CFAP58: variants seen among roughly 807,000 people sequenced by gnomAD.
CFAP58 encodes the protein cilia and flagella associated protein 58, also known as cilia- and flagella-associated protein 58.
Under a neutral mutation model 119.5 loss-of-function variants are expected in CFAP58, and 88 were observed. The ratio of observed to expected loss-of-function variants is 0.74; its 90% CI spans 0.62 to 0.88. CFAP58 has a LOEUF of 0.88. Ranked by LOEUF, CFAP58 falls within the 40% of genes least tolerant of loss-of-function variation. The pLI, the probability that CFAP58 is intolerant of heterozygous loss-of-function variation, is 0.00. For synonymous variants in CFAP58, 365 were observed against 366.3 expected (o/e 1.00, Z 0.04); for missense variants, 990 against 1,021.2 (o/e 0.97, Z 0.42).
intron 7 of CFAP58, among the ~76,000 whole-genome samples, chr10:104,374,523 G>A (rs1207063295): frequency 6.7e-6 from 1 of 148,840 alleles, no homozygotes; most frequent in South Asian, 2.1e-4. Context: ...ATTGGCAAAG[G>A]GCAAATTGGG....
At chr10:104,378,275 C>T (rs1338452476) in intron 8 of CFAP58, among the ~76,000 whole-genome samples, 1 of 152,182 alleles carries the variant, frequency 6.6e-6, no homozygotes. Flanking sequence ...CAGGTAGCAA[C>T]ATGAATATAT....
chr10:104,445,918 T>C (rs1368829960), intron 15 of CFAP58, among the ~76,000 whole-genome samples: 1 of 152,242 alleles, frequency 6.6e-6, no homozygotes, highest in East Asian at 1.9e-4. Context: ...AGATGGTCTT[T>C]TCAGTTTAAG....
intron 15 of CFAP58, among the ~76,000 whole-genome samples, chr10:104,434,981 TATTATAA>T (rs2012909463): frequency 6.6e-6 from 1 of 152,224 alleles, no homozygotes. Flanking sequence ...TTTATAGACT[TATTATAA>T]GGATCAGATA....
intron 15 of CFAP58, among the ~76,000 whole-genome samples, chr10:104,437,938 C>A (rs1266347548): frequency 1.3e-5 from 2 of 151,912 alleles, no homozygotes; most frequent in Non-Finnish European, 2.9e-5. Flanking sequence ...CTTTCTATAT[C>A]CAGAATATAT....
chr10:104,355,304 G>A (rs1049644376), intron 1 of CFAP58, among the ~76,000 whole-genome samples: 1 of 152,130 alleles, frequency 6.6e-6, no homozygotes, highest in Non-Finnish European at 1.5e-5. Context: ...GCCTCCCAGA[G>A]GCACCAGCCC....
intron 10 of CFAP58, 151 bp downstream of exon 10, chr10:104,392,545 G>C (rs188865580): frequency 2.0e-6 from 1 of 508,904 alleles, no homozygotes; most frequent in Admixed American, 4.1e-5. Context: ...AAACTGTCAG[G>C]TTATTTGAAA....
At chr10:104,380,969 G>A (rs1738136793) in intron 9 of CFAP58, among the ~76,000 whole-genome samples, 1 of 152,108 alleles carries the variant, frequency 6.6e-6, no homozygotes, top group South Asian at 2.1e-4. Context: ...GGACAGCACG[G>A]TGAAACCCTG....
chr10:104,358,407 G>C lies in CFAP58; in HGVS notation c.76G>C (p.Val26Leu), dbSNP rs1456705345. Residue 26 changes from valine to leucine, a missense_variant, in exon 2 of 18, where the codon GTT becomes CTT. Coordinates refer to ENST00000369704, the MANE Select transcript of CFAP58 (RefSeq NM_001008723.2). ...FEEMERDFQGVLHELSGDKSL... is the reference protein window; with the variant it reads ...FEEMERDFQGLLHELSGDKSL... Reference sequence around the variant, plus strand: ...AGAAATGGAAAGAGATTTTCAGGGAGTTCTCCATGAACTTTCTGGAGACAA... The same window carrying C: ...AGAAATGGAAAGAGATTTTCAGGGACTTCTCCATGAACTTTCTGGAGACAA... 1.2e-6 allele frequency: 2 copies of C among 1,613,902 alleles called. No homozygotes were observed. The highest frequency in any genetic ancestry group is 1.7e-6 in the Non-Finnish European group (2 of 1,179,982).
At chr10:104,351,282 A>G (rs1222572014), upstream of CFAP58, among the ~76,000 whole-genome samples, 1 of 152,222 alleles carries the variant, frequency 6.6e-6, no homozygotes, top group Non-Finnish European at 1.5e-5. Flanking sequence ...CAGGTCATGA[A>G]TGAGATGTCA....
At chr10:104,353,679 A>G, upstream of CFAP58, 2 of 546,188 alleles carry the variant, frequency 3.7e-6, no homozygotes, top group South Asian at 2.3e-5. Flanking sequence ...AACCCTGCCC[A>G]GGTGCCAGCC....
At chr10:104,400,229 C>T (rs1469457510) in intron 12 of CFAP58, among the ~76,000 whole-genome samples, 1 of 152,138 alleles carries the variant, frequency 6.6e-6, no homozygotes, top group African/African-American at 2.4e-5. Context: ...TCACTACAAC[C>T]TTCTCCTCCC....
chr10:104,429,590 G>A (rs890153980), intron 15 of CFAP58, among the ~76,000 whole-genome samples: 3 of 152,204 alleles, frequency 2.0e-5, no homozygotes, highest in Non-Finnish European at 2.9e-5. Context: ...ATTTGGAGAA[G>A]CCTCAATTCC....
chr10:104,444,051 C>T (rs2013077636), intron 15 of CFAP58, among the ~76,000 whole-genome samples: 1 of 152,194 alleles, frequency 6.6e-6, no homozygotes, highest in Non-Finnish European at 1.5e-5. Context: ...TTAGTGCTCT[C>T]AAGACATGCT....
At chr10:104,388,618 A>G (rs907350271) in intron 9 of CFAP58, among the ~76,000 whole-genome samples, 5 of 152,220 alleles carry the variant, frequency 3.3e-5, no homozygotes, top group African/African-American at 7.2e-5. Flanking sequence ...CATTCAAACC[A>G]TTGACATCAA....
intron 16 of CFAP58, 58 bp from the exon 17 acceptor site, chr10:104,450,013 G>A (rs868052402): frequency 6.5e-7 from 1 of 1,534,638 alleles, no homozygotes; most frequent in Non-Finnish European, 8.8e-7. Context: ...CAGATTAAAA[G>A]ATTTCTCAGA....
chr10:104,378,416 T>G (rs558630221), intron 8 of CFAP58, among the ~76,000 whole-genome samples: 7 of 152,342 alleles, frequency 4.6e-5, no homozygotes, highest in African/African-American at 1.7e-4. Context: ...AATAGGCCTT[T>G]TACCTGAGTA....
chr10:104,345,929 T>C, the CFAP58 span, among the ~76,000 whole-genome samples: 3 of 152,118 alleles, frequency 2.0e-5, no homozygotes, highest in African/African-American at 7.3e-5. Flanking sequence ...ATATATTCAC[T>C]GTGTTCATCT....
At chr10:104,343,032 A>T in the CFAP58 span, among the ~76,000 whole-genome samples, 4 of 152,086 alleles carry the variant, frequency 2.6e-5, no homozygotes, top group African/African-American at 9.7e-5. Context: ...TGACAATGGG[A>T]GAGACAGGAA....
At position 104,365,807 on chromosome 10, in the gene CFAP58, C is replaced by A; in HGVS notation, c.598-7C>A. The A allele has an allele frequency of 3.1e-6, 5 of 1,602,886 alleles. No homozygotes were observed. The highest frequency in any genetic ancestry group is 1.1e-5 in the South Asian group (1 of 89,426). On this transcript the variant is annotated splice_region_variant and splice_polypyrimidine_tract_variant and intron_variant, in intron 4 of 17. Coordinates refer to ENST00000369704, the MANE Select transcript of CFAP58 (RefSeq NM_001008723.2). ...TCTTTCTCTCTTGTCCTTTCCGCAA[C>A]CTCTAGTTCCAACAAGAAATCCAGC...
Sources: gnomAD v4.1 joint callset for allele counts (sites outside exome capture counted in the v4.1 genomes callset) on GRCh38, gnomAD v4.1.1 for gene constraint, MANE v1.5 for transcripts, NCBI Gene and HGNC (gene_info 2026-07-23, HGNC 2026-07-21) for gene names.